RTN4R: variants seen among roughly 807,000 people sequenced by gnomAD.
RTN4R encodes reticulon-4 receptor.
A neutral mutation model predicts 27.7 loss-of-function variants in RTN4R; 4 were observed. The observed-to-expected ratio is 0.14, with a 90% CI of 0.07 to 0.33. RTN4R has a LOEUF of 0.33. RTN4R is among the 10% of genes least tolerant of loss of function. The pLI, the probability that RTN4R is intolerant of heterozygous loss-of-function variation, is 1.00. For missense variants in RTN4R, 554 were observed against 671.5 expected, an observed-to-expected ratio of 0.83 and a Z score of 1.93; for synonymous variants, 290 against 305.6, an observed-to-expected ratio of 0.95 and a Z score of 0.53.
chr22:20,262,203 C>T (rs1352170713), intron 1 of RTN4R, among the ~76,000 whole-genome samples: 4 of 152,166 alleles, frequency 2.6e-5, no homozygotes, highest in Non-Finnish European at 4.4e-5. Flanking sequence ...ACGTTGGGTA[C>T]GGAGGATGTG....
At chr22:20,262,069 G>A (rs1274872393) in intron 1 of RTN4R, among the ~76,000 whole-genome samples, 1 of 152,136 alleles carries the variant, frequency 6.6e-6, no homozygotes, top group Admixed American at 6.5e-5. Context: ...GGGGACAGAG[G>A]CCAGGTCTGA....
At chr22:20,251,697 C>T (rs2051178982) in intron 1 of RTN4R, among the ~76,000 whole-genome samples, 1 of 150,908 alleles carries the variant, frequency 6.6e-6, no homozygotes, top group Non-Finnish European at 1.5e-5. Flanking sequence ...TCATCACCAT[C>T]ACTATCATCA....
intron 1 of RTN4R, 103 bp downstream of exon 1, chr22:20,267,968 G>T: frequency 4.7e-6 from 3 of 642,638 alleles, no homozygotes; most frequent in Non-Finnish European, 6.3e-6. Flanking sequence ...CGCTTCCCTC[G>T]CCTCGGCAGC....
intron 1 of RTN4R, among the ~76,000 whole-genome samples, chr22:20,247,301 G>A (rs928488082): frequency 1.3e-5 from 2 of 152,106 alleles, no homozygotes; most frequent in Non-Finnish European, 2.9e-5. Flanking sequence ...AGGCGGTCAC[G>A]TCACAGACCA....
intron 1 of RTN4R, among the ~76,000 whole-genome samples, chr22:20,257,805 G>A (rs755401063): frequency 6.6e-6 from 1 of 152,182 alleles, no homozygotes; most frequent in Non-Finnish European, 1.5e-5. Context: ...AAGGGTGGGT[G>A]AGTCCGTCTT....
At chr22:20,249,055 A>G (rs2051159565) in intron 1 of RTN4R, 2 of 516,650 alleles carry the variant, frequency 3.9e-6, no homozygotes, top group Non-Finnish European at 8.0e-6. Flanking sequence ...CTTGCCCCAC[A>G]GGAGGCTTGA....
At chr22:20,267,981 G>A in intron 1 of RTN4R, 90 bp downstream of exon 1, 10 of 746,164 alleles carry the variant, frequency 1.3e-5, no homozygotes, top group Non-Finnish European at 1.6e-5. Flanking sequence ...TCGGCAGCCC[G>A]GGACGGGCCC....
intron 1 of RTN4R, among the ~76,000 whole-genome samples, chr22:20,247,469 TC>T (rs1243398337): frequency 1.0e-5 from 1 of 98,144 alleles, no homozygotes; most frequent in Non-Finnish European, 2.1e-5. Flanking sequence ...ACTGACTCAC[TC>T]CCCCCGCCCC....
chr22:20,251,125 C>T (rs903159719), intron 1 of RTN4R, among the ~76,000 whole-genome samples: 2 of 152,172 alleles, frequency 1.3e-5, no homozygotes, highest in Non-Finnish European at 2.9e-5. Context: ...CACCTTGTAT[C>T]AGGGACTCTG....
chr22:20,258,216 C>T (rs998026417), intron 1 of RTN4R, among the ~76,000 whole-genome samples: 9 of 152,218 alleles, frequency 5.9e-5, no homozygotes, highest in Non-Finnish European at 1.2e-4. Flanking sequence ...CTCTGTTGCT[C>T]CAAGGCCATT....
chr22:20,242,047 G>C lies in RTN4R; in HGVS notation c.1086C>G (p.Arg362=). 6.2e-7 allele frequency: 1 copy of C among 1,612,360 alleles called. No individual in the cohort carries two copies. The highest frequency in any genetic ancestry group is 8.5e-7 in the Non-Finnish European group (1 of 1,179,878). ...PASAGNALKG[R]VPPGDSPPGN... is the part of the protein sequence containing the mutation. Reference sequence around the variant, plus strand: ...CCGGCGGGCTGTCACCGGGCGGCACGCGTCCCTTCAGCGCATTGCCTGCCG... The same window carrying C: ...CCGGCGGGCTGTCACCGGGCGGCACCCGTCCCTTCAGCGCATTGCCTGCCG... Residue 362 remains arginine (R), a synonymous_variant, in exon 2 of 2, where the codon CGC becomes CGG. Coordinates refer to ENST00000043402, the MANE Select transcript of RTN4R (RefSeq NM_023004.6).
intron 1 of RTN4R, among the ~76,000 whole-genome samples, chr22:20,264,192 T>G (rs1175379799): frequency 2.6e-5 from 4 of 152,256 alleles, no homozygotes; most frequent in Admixed American, 2.6e-4. Context: ...GCTCCACGGC[T>G]GCAGGCAGTG....
chr22:20,249,295 A>C (rs2051161343), intron 1 of RTN4R: 2 of 495,360 alleles, frequency 4.0e-6, no homozygotes, highest in Admixed American at 4.1e-5. Context: ...ACTGCCATAC[A>C]CCTGCCTCCC....
At chr22:20,265,881 C>T (rs552753732) in intron 1 of RTN4R, among the ~76,000 whole-genome samples, 2 of 152,276 alleles carry the variant, frequency 1.3e-5, no homozygotes, top group East Asian at 1.9e-4. Flanking sequence ...GGAAGTGCCC[C>T]GATAATCCCT....
rs2051292622 is a variant in RTN4R at position 20,268,295 on chromosome 22, GCGA to G, written c.-206_-204del. ...GCGCAGGGCGCGCAGGGCGCACAGG[GCGA>G]GGGCGGCGGCGGCGCGGGGGTTGGG... On this transcript the variant is annotated 5_prime_UTR_variant, in exon 1 of 2. Transcript: ENST00000043402. 6 of 146,120 alleles carry G rather than the reference GCGA, an allele frequency of 4.1e-5. No individual in the cohort carries two copies. Among genetic ancestry groups the G allele is most frequent in the African/African-American group, 4.9e-5 (2 of 40,538 alleles). The allele number at this position is 146,120 out of a possible 1,614,324, so 9.1% of individuals were successfully genotyped here.
At position 20,242,584 on chromosome 22, in the gene RTN4R, G is replaced by C. The variant is rs1394103969; in HGVS notation, c.549C>G (p.Leu183=). ...TFRDLGNLTH[L]FLHGNRISSV... is the part of the protein sequence containing the mutation. ...TGGAGATGCGGTTGCCGTGCAGGAA[G>C]AGGTGTGTGAGGTTGCCCAGGTCGC... Residue 183 remains leucine (L), a synonymous_variant, in exon 2 of 2, where the codon CTC becomes CTG. Transcript: ENST00000043402. 2 of 1,613,392 alleles carry C rather than the reference G, an allele frequency of 1.2e-6. No individual in the cohort carries two copies. Among genetic ancestry groups the C allele is most frequent in the Non-Finnish European group, 1.7e-6 (2 of 1,179,958 alleles).
intron 1 of RTN4R, among the ~76,000 whole-genome samples, chr22:20,253,387 C>T (rs1256671592): frequency 1.3e-5 from 2 of 152,174 alleles, no homozygotes; most frequent in East Asian, 1.9e-4. Flanking sequence ...GTGTTAGACA[C>T]GGGGATCTGC....
Position 20,255,207 on chromosome 22 carries a change from C to T in RTN4R, c.23-12097G>A, listed in dbSNP as rs1569039691. Among the ~76,000 whole-genome samples the T allele has an allele frequency of 6.6e-6, 1 of 151,922 alleles. No individual in the cohort carries two copies. The highest frequency in any genetic ancestry group is 2.1e-4 in the South Asian group (1 of 4,820). On this transcript the variant is annotated intron_variant, in intron 1 of 1. Transcript: ENST00000043402. The surrounding 1 kb of genome is among the most constrained non-coding windows in gnomAD (Gnocchi z 4.8). ...GTTAACTCTGCAATATGTTGTTGAC[C>T]GAATGTTATTATTTTTTAAAACAAC... is the stretch of plus-strand genomic sequence containing the variant.
intron 1 of RTN4R, among the ~76,000 whole-genome samples, chr22:20,259,447 C>A (rs552020534): frequency 4.0e-4 from 61 of 152,268 alleles, no homozygotes; most frequent in African/African-American, 1.4e-3. Flanking sequence ...CAGCCGGGTG[C>A]GCAGGGCCCA....
Sources: gnomAD v4.1 joint callset for allele counts (sites outside exome capture counted in the v4.1 genomes callset) on GRCh38, gnomAD v4.1.1 for gene constraint, Gnocchi (gnomAD v3.1) non-coding constraint, MANE v1.5 for transcripts, NCBI Gene and HGNC (gene_info 2026-07-23, HGNC 2026-07-21) for gene names.